MLH3: variants seen among roughly 807,000 people sequenced by gnomAD.
The protein encoded by MLH3 is mutL homolog 3.
Under a neutral mutation model 122.2 loss-of-function variants are expected in MLH3, and 82 were observed. The ratio of observed to expected loss-of-function variants is 0.67; its 90% CI spans 0.56 to 0.81. MLH3 has a LOEUF of 0.81. Among genes scored for constraint, MLH3 ranks in the 30% least tolerant of loss-of-function variants. The pLI is 0.00. For missense variants in MLH3, 1,539 were observed against 1,714.5 expected, an observed-to-expected ratio of 0.90 and a Z score of 1.81; for synonymous variants, 524 against 599.5, an observed-to-expected ratio of 0.87 and a Z score of 1.84.
rs149151443 is a variant in MLH3, at chr14:75,021,234, G to A, written c.4090+1580C>T. 1.8e-3 allele frequency among the ~76,000 whole-genome samples: 277 copies of A among 152,342 alleles called. 3 individuals carry two copies. Among genetic ancestry groups the A allele is most frequent in the African/African-American group, 6.2e-3 (258 of 41,588 alleles). ...AAACCTCAGAAATACCATTCTGGAC[G>A]TAGGCCTTGGCAAAGATTTCCTGGT... is the stretch of plus-strand genomic sequence containing the variant. On this transcript the variant is annotated intron_variant, in intron 11 of 12. Coordinates refer to ENST00000355774, the MANE Select transcript of MLH3 (RefSeq NM_001040108.2).
chr14:75,049,865 T>G, intron 1 of MLH3, 147 bp from the exon 2 acceptor site: 8 of 620,074 alleles, frequency 1.3e-5, no homozygotes, highest in East Asian at 5.6e-5. Context: ...CGCTGATCTC[T>G]AGGCACAGCT....
chr14:75,036,418 G>A (rs1234885059), intron 6 of MLH3, among the ~76,000 whole-genome samples: 1 of 151,644 alleles, frequency 6.6e-6, no homozygotes, highest in African/African-American at 2.4e-5. Context: ...CGATCTTGGC[G>A]CACTGCAACC....
chr14:75,036,537 G>A (rs1022919986), intron 6 of MLH3: 24 of 388,592 alleles, frequency 6.2e-5, no homozygotes, highest in South Asian at 1.9e-4. Context: ...TAGAGACAGC[G>A]TTTCAGCATG....
Position 75,048,826 on chromosome 14 carries a change from A to G in MLH3, c.830T>C (p.Ile277Thr). The G allele has an allele frequency of 1.2e-6, 2 of 1,614,152 alleles. No homozygotes were observed. The highest frequency in any genetic ancestry group is 2.2e-5 in the South Asian group (2 of 91,064). The change falls in exon 2 of 13, where the codon ATT (isoleucine) becomes ACT (threonine). Residue 277 changes from isoleucine (I) to threonine (T), a missense_variant. Ile to Thr is a moderately conservative substitution (Grantham distance 89). Coordinates refer to ENST00000355774, the MANE Select transcript of MLH3 (RefSeq NM_001040108.2). ...LIDFLLRKES[I>T]ICKPKNGPTS... is the part of the protein sequence containing the mutation. ...GGGACCATTCTTTGGCTTGCATATA[A>G]TACTTTCTTTCCTTAATAAAAAGTC...
Position 75,046,411 on chromosome 14 carries a change from A to G in MLH3, c.3245T>C (p.Leu1082Pro), listed in dbSNP as rs1163544983. ...TACAACATCCACAGCCACAGTTGTC[A>G]GGTCTTTAGTACAAGCAGCCTGAAT... ...EDIQAACTKDLTTVAVDVVLE... is the reference protein window; with the variant it reads ...EDIQAACTKDPTTVAVDVVLE... The change falls in exon 2 of 13, where the codon CTG (leucine) becomes CCG (proline). Residue 1082 changes from leucine to proline, a missense_variant. Leu to Pro is a moderately conservative substitution (Grantham distance 98). Coordinates refer to ENST00000355774, the MANE Select transcript of MLH3 (RefSeq NM_001040108.2). 6.2e-7 allele frequency: 1 copy of G among 1,614,084 alleles called. No homozygotes were observed. The highest frequency in any genetic ancestry group is 2.2e-5 in the East Asian group (1 of 44,894).
At position 75,046,359 on chromosome 14, in the gene MLH3, G is replaced by A. The variant is rs1892217834; in HGVS notation, c.3280+17C>T. On this transcript the variant is annotated intron_variant, in intron 2 of 12. Transcript: ENST00000355774. ...ATCTTCAAAAGCATCTCATGCACAT[G>A]AATACTACGTACTTACCATTCTCAA... 6.2e-7 allele frequency: 1 copy of A among 1,613,616 alleles called. No homozygotes were observed. The highest frequency in any genetic ancestry group is 1.7e-5 in the Admixed American group (1 of 59,992).
intron 8 of MLH3, among the ~76,000 whole-genome samples, chr14:75,031,237 C>T (rs1024707623): frequency 6.6e-6 from 1 of 152,156 alleles, no homozygotes. Context: ...TTTGTGCTGC[C>T]TAGAAGAGGA....
At chr14:75,024,305 G>A (rs1288982726) in intron 9 of MLH3, among the ~76,000 whole-genome samples, 3 of 151,986 alleles carry the variant, frequency 2.0e-5, no homozygotes, top group African/African-American at 7.3e-5. Flanking sequence ...GGGTTCAAGC[G>A]ATTCTCCTGC....
Position 75,047,085 on chromosome 14 carries a change from A to G in MLH3, c.2571T>C (p.Ser857=), listed in dbSNP as rs754917051. Residue 857 remains serine (S), a synonymous_variant, in exon 2 of 13, where the codon TCT becomes TCC. Transcript: ENST00000355774. ...RESPMTLKEL[S]LFNRKPLDLE... is the part of the protein sequence containing the mutation. ...GGTCCAAAGGTTTTCTATTAAAGAG[A>G]GATAACTCCTTCAGGGTCATAGGAC... is the stretch of plus-strand genomic sequence containing the variant. 1 of 1,614,180 alleles carries G rather than the reference A, an allele frequency of 6.2e-7. No individual in the cohort carries two copies. Among genetic ancestry groups the G allele is most frequent in the Non-Finnish European group, 8.5e-7 (1 of 1,180,016 alleles).
intron 5 of MLH3, among the ~76,000 whole-genome samples, chr14:75,039,368 G>A (rs1216970906): frequency 5.3e-5 from 8 of 151,998 alleles, no homozygotes; most frequent in East Asian, 1.9e-4. Context: ...ATTTGTTTCC[G>A]TACTGAAAAC....
chr14:75,042,596 C>G, intron 2 of MLH3, 119 bp from the exon 3 acceptor site: 1 of 726,120 alleles, frequency 1.4e-6, no homozygotes, highest in Non-Finnish European at 2.4e-6. Flanking sequence ...AAGCAGACTA[C>G]TAAACACTAG....
rs1889865829 is a variant in MLH3, at chr14:75,016,007, C to T, written c.*1075G>A. 1 of 231,176 alleles carries T rather than the reference C, an allele frequency of 4.3e-6. No individual in the cohort carries two copies. The highest frequency in any genetic ancestry group is 8.6e-6 in the Non-Finnish European group (1 of 116,836). The allele number at this position is 231,176 out of a possible 1,614,324, so 14.3% of individuals were successfully genotyped here. A position where few individuals can be genotyped will look rare whatever the true frequency, so the allele number is the denominator to read the frequency against. Reference sequence around the variant, plus strand: ...AGTTGCAATAAACATTACCAGCTGGCTTTTTGCATTTTTTTTCTACTATGC... The same window carrying T: ...AGTTGCAATAAACATTACCAGCTGGTTTTTTGCATTTTTTTTCTACTATGC... On this transcript the variant is annotated 3_prime_UTR_variant, in exon 13 of 13. Coordinates refer to ENST00000355774, the MANE Select transcript of MLH3 (RefSeq NM_001040108.2).
intron 4 of MLH3, among the ~76,000 whole-genome samples, chr14:75,041,267 A>T (rs1294636566): frequency 6.6e-6 from 1 of 152,176 alleles, no homozygotes; most frequent in Non-Finnish European, 1.5e-5. Flanking sequence ...AGGCAAAGAA[A>T]GGCTGGGCGT....
In MLH3 at chr14:75,027,688, A is replaced by ACAC. The variant is rs1555341362; in HGVS notation, c.3987+2854_3987+2855insGTG. 1.3e-3 allele frequency among the ~76,000 whole-genome samples: 171 copies of ACAC among 134,574 alleles called. 5 individuals are homozygous for ACAC. The highest frequency in any genetic ancestry group is 2.5e-4 in the Non-Finnish European group (16 of 63,324). The allele number at this position is 134,574 out of a possible 152,430, so 88.3% of individuals were successfully genotyped here. ...GTAAAAAAAAAAAAAAAAAAAAAAA[A>ACAC]AAAAAACCCAAAAGAACACAGAATA... On this transcript the variant is annotated intron_variant, in intron 9 of 12. Transcript: ENST00000355774.
In MLH3 at chr14:75,016,366, T is replaced by C. The variant is rs1889887714; in HGVS notation, c.*716A>G. The C allele has an allele frequency of 5.1e-6, 1 of 194,668 alleles. No individual in the cohort carries two copies. The highest frequency in any genetic ancestry group is 6.1e-5 in the Admixed American group (1 of 16,372). 12.1% of individuals were successfully genotyped at this position (194,668 alleles called of 1,614,324 possible). ...TTTAAAAAACAAGCTCATAGTATTT[T>C]CACCATTTTACTGGTTTGGGATATT... On this transcript the variant is annotated 3_prime_UTR_variant, in exon 13 of 13. Coordinates refer to ENST00000355774, the MANE Select transcript of MLH3 (RefSeq NM_001040108.2).
rs927878214 is a variant in MLH3 at position 75,047,858 on chromosome 14, G to A, written c.1798C>T (p.Arg600Ter). 17 of 1,612,656 alleles carry A rather than the reference G, an allele frequency of 1.1e-5. No homozygotes were observed. Among genetic ancestry groups the A allele is most frequent in the Non-Finnish European group, 1.4e-5 (16 of 1,179,742 alleles). The part of the protein sequence containing the change: ...CGRRNVFSYG[R>*]VKLCSTGFIT... ...AAGCCAGTGGAACATAATTTAACTC[G>A]CCCATAACTAAAAACATTTCTTCTT... is the stretch of plus-strand genomic sequence containing the variant. Residue 600 changes from arginine (R) to a stop codon, truncating the protein, a stop_gained, in exon 2 of 13, where the codon CGA becomes TGA. Transcript: ENST00000355774. LOFTEE classifies it high-confidence loss of function.
chr14:75,040,449 C>CAAAAAAAAAAAAAAAAAAAAAAAA (rs36233766), intron 4 of MLH3, among the ~76,000 whole-genome samples: 2 of 35,590 alleles, frequency 5.6e-5, no homozygotes, highest in African/African-American at 9.8e-5. Flanking sequence ...GACTCTGTCA[C>CAAAAAAAAAAAAAAAAAAAAAAAA]AAAAAAAAAA....
Position 75,047,466 on chromosome 14 carries a change from T to G in MLH3, c.2190A>C (p.Thr730=). 1 of 1,614,160 alleles carries G rather than the reference T, an allele frequency of 6.2e-7. No homozygotes were observed. Among genetic ancestry groups the G allele is most frequent in the Non-Finnish European group, 8.5e-7 (1 of 1,180,022 alleles). Residue 730 remains threonine (T), a synonymous_variant, in exon 2 of 13, where the codon ACA becomes ACC. Transcript: ENST00000355774. Reference sequence around the variant, plus strand: ...GTTTGGAGAAACCAATTAATTTATCTGTTTTCCTACTATCATTGGAAACGT... The same window carrying G: ...GTTTGGAGAAACCAATTAATTTATCGGTTTTCCTACTATCATTGGAAACGT... The part of the protein sequence containing the change: ...YRHVSNDSRK[T]DKLIGFSKPI...
intron 9 of MLH3, among the ~76,000 whole-genome samples, chr14:75,027,472 C>G (rs1259790334): frequency 6.6e-6 from 1 of 151,844 alleles, no homozygotes; most frequent in Non-Finnish European, 1.5e-5. Flanking sequence ...GTTGGCCAGG[C>G]TGGTCTCAAA....
Sources: gnomAD v4.1 joint callset for allele counts (sites outside exome capture counted in the v4.1 genomes callset) on GRCh38, gnomAD v4.1.1 for gene constraint, MANE v1.5 for transcripts, NCBI Gene and HGNC (gene_info 2026-07-23, HGNC 2026-07-21) for gene names.